Variants in ZFYVE9 observed in about 807,000 individuals in gnomAD.
ZFYVE9 encodes the protein zinc finger FYVE-type containing 9, also known as zinc finger FYVE domain-containing protein 9.
ZFYVE9 carries 43 observed loss-of-function variants against 126.7 expected under a neutral mutation model. The observed-to-expected ratio is 0.34, with a 90% CI of 0.27 to 0.44. The LOEUF (loss-of-function observed/expected upper bound fraction) is 0.44, where lower values mean the gene tolerates loss of function less well. Among genes scored for constraint, ZFYVE9 ranks in the 20% least tolerant of loss-of-function variants. The pLI, the probability that ZFYVE9 is intolerant of heterozygous loss-of-function variation, is 1.00. For synonymous variants in ZFYVE9, 521 were observed against 597.4 expected (o/e 0.87, Z 1.87); for missense variants, 1,476 against 1,697.0 (o/e 0.87, Z 2.29).
At chr1:52,239,688 C>T in intron 4 of ZFYVE9, 93 bp downstream of exon 4, 3 of 1,389,466 alleles carry the variant, frequency 2.2e-6, no homozygotes, top group South Asian at 3.1e-5. Context: ...GAATATATGT[C>T]TGGTTGAGTT....
intron 13 of ZFYVE9, among the ~76,000 whole-genome samples, chr1:52,310,150 A>T (rs1195260921): frequency 6.6e-6 from 1 of 151,920 alleles, no homozygotes; most frequent in Non-Finnish European, 1.5e-5. Flanking sequence ...TTTTCTGTTA[A>T]TAGGGATGAG....
chr1:52,213,508 C>T (rs1022937653), intron 1 of ZFYVE9, among the ~76,000 whole-genome samples: 5 of 151,854 alleles, frequency 3.3e-5, no homozygotes, highest in East Asian at 1.9e-4. Flanking sequence ...AAAAATTAGC[C>T]GGGCCTGGTG....
intron 2 of ZFYVE9, among the ~76,000 whole-genome samples, chr1:52,231,232 T>G (rs1645218240): frequency 6.6e-6 from 1 of 152,140 alleles, no homozygotes; most frequent in Non-Finnish European, 1.5e-5. Context: ...ATTCATAGAT[T>G]ATGGGCTGGG....
chr1:52,278,704 T>C, intron 9 of ZFYVE9, 90 bp downstream of exon 9: 2 of 943,994 alleles, frequency 2.1e-6, no homozygotes, highest in Non-Finnish European at 3.1e-6. Context: ...CAAGTATTTT[T>C]ATATAGAGCC....
chr1:52,226,310 C>G (rs1048710089), intron 2 of ZFYVE9, among the ~76,000 whole-genome samples: 1 of 152,170 alleles, frequency 6.6e-6, no homozygotes, highest in African/African-American at 2.4e-5. Flanking sequence ...CTCGACTTCA[C>G]AGACTGCTCT....
At chr1:52,269,031 C>T (rs940920724) in intron 7 of ZFYVE9, among the ~76,000 whole-genome samples, 1 of 152,176 alleles carries the variant, frequency 6.6e-6, no homozygotes, top group Admixed American at 6.5e-5. Context: ...AAAACCCTGG[C>T]TTATCAACAT....
intron 2 of ZFYVE9, among the ~76,000 whole-genome samples, chr1:52,229,967 A>T (rs1645202613): frequency 1.3e-5 from 2 of 150,298 alleles, no homozygotes; most frequent in African/African-American, 4.9e-5. Flanking sequence ...TCCCAGGTTC[A>T]CGCCATTCTC....
Position 52,233,029 on chromosome 1 carries a change from A to G in ZFYVE9, c.-36-142A>G, listed in dbSNP as rs529691748. ...TAGAATTTATTAGCTTAAAGATCTT[A>G]TAATATATCCAGTGGGATGCCAGGT... On this transcript the variant is annotated intron_variant, in intron 2 of 18. Coordinates refer to ENST00000287727, the MANE Select transcript of ZFYVE9 (RefSeq NM_004799.4). 41 of 287,114 alleles carry G rather than the reference A, an allele frequency of 1.4e-4. No homozygotes were observed. In the South Asian group the frequency reaches 3.0e-3, roughly 21 times the overall value. 17.8% of individuals were successfully genotyped at this position (287,114 alleles called of 1,614,324 possible). A position where few individuals can be genotyped will look rare whatever the true frequency, so the allele number is the denominator to read the frequency against.
At chr1:52,225,609 C>T (rs1645163789) in intron 2 of ZFYVE9, among the ~76,000 whole-genome samples, 1 of 152,102 alleles carries the variant, frequency 6.6e-6, no homozygotes, top group Non-Finnish European at 1.5e-5. Context: ...TAAACTTTTC[C>T]AAATAGGGTA....
intron 16 of ZFYVE9, among the ~76,000 whole-genome samples, chr1:52,339,370 C>G (rs1476454347): frequency 6.6e-6 from 1 of 152,070 alleles, no homozygotes; most frequent in Non-Finnish European, 1.5e-5. Context: ...TCACTGCAAC[C>G]TCCGCCTCCC....
chr1:52,235,603 T>C (rs1477047192), intron 3 of ZFYVE9, among the ~76,000 whole-genome samples: 1 of 152,144 alleles, frequency 6.6e-6, no homozygotes, highest in African/African-American at 2.4e-5. Flanking sequence ...ACAATCTGAG[T>C]TTTGTGCCCT....
At chr1:52,219,069 G>A (rs1022239779) in intron 2 of ZFYVE9, among the ~76,000 whole-genome samples, 1 of 151,982 alleles carries the variant, frequency 6.6e-6, no homozygotes, top group African/African-American at 2.4e-5. Context: ...ATATTTCGTG[G>A]TCCAGATAAT....
At chr1:52,336,947 T>TAAAAAAAAAAAAAAAAAAAAA in intron 15 of ZFYVE9, among the ~76,000 whole-genome samples, 1 of 107,852 alleles carries the variant, frequency 9.3e-6, no homozygotes, top group South Asian at 3.8e-4. Context: ...AGTCATCTCT[T>TAAAAAAAAAAAAAAAAAAAAA]AAAAAAAAAA....
chr1:52,218,083 C>G (rs907435375), intron 2 of ZFYVE9, among the ~76,000 whole-genome samples: 3 of 152,182 alleles, frequency 2.0e-5, no homozygotes, highest in Non-Finnish European at 4.4e-5. Flanking sequence ...ATTTGGTACC[C>G]TCCGCAGGAC....
intron 17 of ZFYVE9, among the ~76,000 whole-genome samples, chr1:52,344,249 G>GCC (rs1397798699): frequency 6.6e-6 from 1 of 152,158 alleles, no homozygotes. Flanking sequence ...GGTGGAAAAA[G>GCC]CTCTGCAATA....
intron 4 of ZFYVE9, among the ~76,000 whole-genome samples, chr1:52,251,691 A>G (rs1026754112): frequency 6.6e-6 from 1 of 152,178 alleles, no homozygotes; most frequent in African/African-American, 2.4e-5. Context: ...TTTGGTATCA[A>G]GATAGTGCTG....
chr1:52,146,112 C>T (rs778525164), intron 1 of ZFYVE9, among the ~76,000 whole-genome samples: 1 of 151,410 alleles, frequency 6.6e-6, no homozygotes, highest in Non-Finnish European at 1.5e-5. Context: ...TACAGTATAA[C>T]AGTTGATTTG....
chr1:52,196,087 C>A (rs543806941), intron 1 of ZFYVE9, among the ~76,000 whole-genome samples: 1 of 152,044 alleles, frequency 6.6e-6, no homozygotes, highest in Non-Finnish European at 1.5e-5. Context: ...CCACCGTGCC[C>A]GGCCAGTATA....
At chr1:52,163,539 G>A (rs1228726492) in intron 1 of ZFYVE9, among the ~76,000 whole-genome samples, 1 of 152,198 alleles carries the variant, frequency 6.6e-6, no homozygotes, top group African/African-American at 2.4e-5. Context: ...GTCTGTTAGA[G>A]ATGATTTAGT....
Sources: gnomAD v4.1 joint callset for allele counts (sites outside exome capture counted in the v4.1 genomes callset) on GRCh38, gnomAD v4.1.1 for gene constraint, MANE v1.5 for transcripts, NCBI Gene and HGNC (gene_info 2026-07-23, HGNC 2026-07-21) for gene names.